Variants in SPTLC3 observed in about 807,000 individuals in gnomAD.
SPTLC3 encodes serine palmitoyltransferase long chain base subunit 3.
In SPTLC3, 36 loss-of-function variants were observed where a neutral mutation model predicts 59.3. That is an observed-to-expected ratio of 0.61 (90% CI 0.47 to 0.80). The LOEUF (loss-of-function observed/expected upper bound fraction) is 0.80, where lower values mean the gene tolerates loss of function less well. SPTLC3 is among the 30% of genes least tolerant of loss of function. The pLI is 0.00. For missense variants in SPTLC3, 625 were observed against 685.1 expected (o/e 0.91, Z 0.98); for synonymous variants, 257 against 240.8 (o/e 1.07, Z -0.62).
chr20:13,112,290 T>C (rs1041287802), intron 7 of SPTLC3, among the ~76,000 whole-genome samples: 2 of 152,204 alleles, frequency 1.3e-5, no homozygotes, highest in African/African-American at 4.8e-5. Context: ...GTACTGGCTC[T>C]CACCTGGAGT....
chr20:13,084,326 G>A (rs1051446630), intron 4 of SPTLC3, among the ~76,000 whole-genome samples: 5 of 152,148 alleles, frequency 3.3e-5, no homozygotes, highest in African/African-American at 9.6e-5. Context: ...TAACAACAAA[G>A]CTTTATATAT....
At chr20:13,144,931 C>T (rs1430916412) in intron 9 of SPTLC3, among the ~76,000 whole-genome samples, 3 of 152,130 alleles carry the variant, frequency 2.0e-5, no homozygotes, top group Non-Finnish European at 2.9e-5. Context: ...CCCGCCACCA[C>T]GCCCAGCTAA....
At chr20:13,132,090 G>A (rs1311461596) in intron 9 of SPTLC3, among the ~76,000 whole-genome samples, 1 of 151,346 alleles carries the variant, frequency 6.6e-6, no homozygotes, top group Non-Finnish European at 1.5e-5. Context: ...CCTTTCTGCT[G>A]AAAATCTGCC....
At chr20:13,129,336 C>T (rs765055308) in intron 9 of SPTLC3, among the ~76,000 whole-genome samples, 1 of 152,268 alleles carries the variant, frequency 6.6e-6, no homozygotes, top group African/African-American at 2.4e-5. Context: ...AACATTGAAG[C>T]GAGATAGAGT....
chr20:13,065,612 G>A (rs893142591), intron 2 of SPTLC3, among the ~76,000 whole-genome samples: 8 of 151,600 alleles, frequency 5.3e-5, no homozygotes, highest in South Asian at 2.1e-4. Context: ...ATGGTTAAAC[G>A]TATTATAATA....
intron 2 of SPTLC3, among the ~76,000 whole-genome samples, chr20:13,068,864 C>A (rs1314912836): frequency 6.6e-6 from 1 of 152,132 alleles, no homozygotes; most frequent in Admixed American, 6.5e-5. Flanking sequence ...AGAAGGAAGT[C>A]TTTTCTGACC....
At chr20:13,120,698 T>A (rs1990855521) in intron 8 of SPTLC3, among the ~76,000 whole-genome samples, 1 of 152,228 alleles carries the variant, frequency 6.6e-6, no homozygotes, top group African/African-American at 2.4e-5. Context: ...AATGGTTTAG[T>A]ATGACGATAC....
Position 13,138,262 on chromosome 20 carries a change from T to C in SPTLC3, c.1279+11545T>C, listed in dbSNP as rs567928414. Among the ~76,000 whole-genome samples the C allele has an allele frequency of 9.8e-5, 15 of 152,312 alleles. No individual in the cohort carries two copies. In the South Asian group the frequency reaches 2.9e-3, roughly 29 times the overall value. On this transcript the variant is annotated intron_variant, in intron 9 of 11. Transcript: ENST00000399002. ...ACATGTTGGCTGAATAAATGACCCA[T>C]TCAGCATCAGCTTTGGCCACATCTC...
At chr20:13,122,926 CT>C (rs2037899950) in intron 8 of SPTLC3, among the ~76,000 whole-genome samples, 1 of 152,178 alleles carries the variant, frequency 6.6e-6, no homozygotes, top group Admixed American at 6.5e-5. Context: ...GAATGTAACC[CT>C]GTGCAAAATG....
intron 8 of SPTLC3, among the ~76,000 whole-genome samples, chr20:13,125,612 A>C (rs1254867437): frequency 6.6e-6 from 1 of 152,196 alleles, no homozygotes; most frequent in African/African-American, 2.4e-5. Context: ...TCTGTACAAC[A>C]GTCCATTGTT....
intron 2 of SPTLC3, among the ~76,000 whole-genome samples, chr20:13,057,405 A>G (rs1444682981): frequency 1.3e-5 from 2 of 152,214 alleles, no homozygotes; most frequent in Non-Finnish European, 2.9e-5. Context: ...TTAATCAAAT[A>G]TAAGAATTTA....
intron 6 of SPTLC3, among the ~76,000 whole-genome samples, chr20:13,097,628 T>C (rs3910137): frequency 0.069 from 10,478 of 152,272 alleles, 382 homozygotes; most frequent in South Asian, 0.11. Flanking sequence ...GAGGGGCAGA[T>C]GGACCCTGTG....
At chr20:13,131,185 T>C (rs1163888310) in intron 9 of SPTLC3, among the ~76,000 whole-genome samples, 2 of 152,240 alleles carry the variant, frequency 1.3e-5, no homozygotes, top group Non-Finnish European at 2.9e-5. Context: ...CTTCGATGTA[T>C]ATTTTTCAAG....
chr20:13,156,500 A>G (rs1029631834), intron 10 of SPTLC3, among the ~76,000 whole-genome samples: 1 of 152,222 alleles, frequency 6.6e-6, no homozygotes, highest in African/African-American at 2.4e-5. Context: ...GGATTCTTGG[A>G]CAAGTTACTC....
chr20:13,108,648 C>A (rs1317495639), intron 6 of SPTLC3, among the ~76,000 whole-genome samples: 3 of 150,174 alleles, frequency 2.0e-5, no homozygotes, highest in Non-Finnish European at 4.5e-5. Flanking sequence ...GATCTCGGCT[C>A]ACTGCAACAT....
intron 1 of SPTLC3, among the ~76,000 whole-genome samples, chr20:13,010,827 T>C (rs1471667410): frequency 6.6e-6 from 1 of 152,218 alleles, no homozygotes; most frequent in Non-Finnish European, 1.5e-5. Context: ...CTCCCTTTTA[T>C]TTATTTTATC....
At chr20:13,018,444 G>A (rs948947880) in intron 1 of SPTLC3, among the ~76,000 whole-genome samples, 15 of 152,274 alleles carry the variant, frequency 9.9e-5, no homozygotes, top group South Asian at 4.1e-4. Context: ...CCAGAGATGA[G>A]TGTCCGGCTG....
At position 13,159,989 on chromosome 20, in the gene SPTLC3, TG is replaced by T. The variant is rs776005991; in HGVS notation, c.1416-13del. Reference sequence around the variant, plus strand: ...TAACCACTTTTTTTTTTTCTTTTTTTGCTTTTCCTTAAGGGCTTTTGCAAGG... The same window carrying T: ...TAACCACTTTTTTTTTTTCTTTTTTTCTTTTCCTTAAGGGCTTTTGCAAGG... On this transcript the variant is annotated splice_polypyrimidine_tract_variant and intron_variant, in intron 10 of 11. Transcript: ENST00000399002. The T allele has an allele frequency of 6.5e-7, 1 of 1,531,618 alleles. No homozygotes were observed. The highest frequency in any genetic ancestry group is 2.0e-5 in the Admixed American group (1 of 49,880). The allele number at this position is 1,531,618 out of a possible 1,614,324, so 94.9% of individuals were successfully genotyped here.
chr20:13,055,688 A>C (rs6041818), intron 2 of SPTLC3, among the ~76,000 whole-genome samples: 1 of 151,748 alleles, frequency 6.6e-6, no homozygotes. Context: ...AAAAAAATAC[A>C]CATGAAGAGT....
Sources: allele counts gnomAD v4.1 joint callset (sites outside exome capture counted in the v4.1 genomes callset), GRCh38; gene constraint gnomAD v4.1.1; transcripts MANE v1.5; gene names NCBI Gene and HGNC (gene_info 2026-07-23, HGNC 2026-07-21).